TSHZ2: variants seen among roughly 807,000 people sequenced by gnomAD.
TSHZ2 encodes the protein teashirt homolog 2.
A neutral mutation model predicts 74.4 loss-of-function variants in TSHZ2; 21 were observed. The observed-to-expected ratio is 0.28, with a 90% confidence interval of 0.20 to 0.41. TSHZ2 has a LOEUF of 0.41. TSHZ2 is among the 10% of genes least tolerant of loss of function. The pLI is 1.00. For missense variants in TSHZ2, 1,244 were observed against 1,293.5 expected (o/e 0.96, Z 0.59); for synonymous variants, 540 against 515.3 (o/e 1.05, Z -0.65).
intron 2 of TSHZ2, among the ~76,000 whole-genome samples, chr20:53,406,391 G>T (rs1982854162): frequency 2.0e-5 from 3 of 152,296 alleles, no homozygotes; most frequent in African/African-American, 7.2e-5. Context: ...TTTTGAAAAG[G>T]ATATTCTGGG....
chr20:52,995,192 A>G (rs769693445), intron 1 of TSHZ2, among the ~76,000 whole-genome samples: 4 of 152,214 alleles, frequency 2.6e-5, no homozygotes, highest in African/African-American at 9.6e-5. Context: ...ACAGCTACAG[A>G]TACAGAGACC....
chr20:53,302,279 C>T (rs781576797), intron 2 of TSHZ2, among the ~76,000 whole-genome samples: 2 of 152,008 alleles, frequency 1.3e-5, no homozygotes. Flanking sequence ...GTTAGCAAAG[C>T]GTTGAGGAAA....
chr20:53,449,686 C>A (rs1357770299), intron 2 of TSHZ2, among the ~76,000 whole-genome samples: 1 of 152,102 alleles, frequency 6.6e-6, no homozygotes, highest in African/African-American at 2.4e-5. Context: ...ATATTAAAAT[C>A]CTACCCCCTT....
intron 2 of TSHZ2, among the ~76,000 whole-genome samples, chr20:53,382,521 A>G (rs996708595): frequency 2.0e-5 from 3 of 152,244 alleles, no homozygotes; most frequent in African/African-American, 7.2e-5. Context: ...AATGCAACAC[A>G]GAGTGAAAAC....
intron 1 of TSHZ2, among the ~76,000 whole-genome samples, chr20:52,999,089 GTTCTACTCTTCACTGCCACA>G (rs1484494215): frequency 1.4e-5 from 2 of 143,384 alleles, no homozygotes; most frequent in East Asian, 3.9e-4. Context: ...TGAAAACCAC[GTTCTACTCTTCACTGCCACA>G]TTCCACTCTT....
intron 1 of TSHZ2, among the ~76,000 whole-genome samples, chr20:53,118,037 G>C (rs1301839867): frequency 6.6e-6 from 1 of 152,212 alleles, no homozygotes; most frequent in Non-Finnish European, 1.5e-5. Context: ...CAGGAGAATT[G>C]TGGAATTGTA....
intron 2 of TSHZ2, among the ~76,000 whole-genome samples, chr20:53,449,376 T>C (rs1984683119): frequency 6.6e-6 from 1 of 152,212 alleles, no homozygotes; most frequent in Non-Finnish European, 1.5e-5. Context: ...TAATTATATA[T>C]GAAATGGGTG....
At chr20:53,138,673 T>G (rs1249514335) in intron 1 of TSHZ2, among the ~76,000 whole-genome samples, 1 of 152,248 alleles carries the variant, frequency 6.6e-6, no homozygotes, top group East Asian at 1.9e-4. Flanking sequence ...AAACCCAGTT[T>G]ACATGTGCCA....
At chr20:53,023,399 C>A (rs1315630390) in intron 1 of TSHZ2, among the ~76,000 whole-genome samples, 1 of 152,166 alleles carries the variant, frequency 6.6e-6, no homozygotes, top group Non-Finnish European at 1.5e-5. Flanking sequence ...AAGCATTAAA[C>A]CTCAACATTA....
At position 53,221,621 on chromosome 20, in the gene TSHZ2, A is replaced by G. The variant is rs1384704984; in HGVS notation, c.41-31878A>G. 4.6e-5 allele frequency among the ~76,000 whole-genome samples: 7 copies of G among 152,228 alleles called. No homozygotes were observed. The East Asian group carries it at 1.3e-3, about 29-fold the overall frequency. On this transcript the variant is annotated intron_variant, in intron 1 of 2. Transcript: ENST00000371497. ...CTGTGTCTGCCTTCAGACAACACCA[A>G]ACACCTAAATCATCTTGGTAAACAC...
intron 2 of TSHZ2, among the ~76,000 whole-genome samples, chr20:53,466,702 C>A (rs1985574093): frequency 6.6e-6 from 1 of 152,170 alleles, no homozygotes; most frequent in Non-Finnish European, 1.5e-5. Context: ...AGTATAATTG[C>A]TCAACATGAA....
chr20:52,985,109 T>G (rs1382755450), intron 1 of TSHZ2, among the ~76,000 whole-genome samples: 1 of 152,190 alleles, frequency 6.6e-6, no homozygotes, highest in Non-Finnish European at 1.5e-5. Flanking sequence ...AGTCCTGGAA[T>G]GGCTTCTTCA....
intron 2 of TSHZ2, among the ~76,000 whole-genome samples, chr20:53,276,893 G>A (rs1413633632): frequency 6.6e-6 from 1 of 152,216 alleles, no homozygotes; most frequent in Admixed American, 6.5e-5. Context: ...CTTTGAGCCT[G>A]TCTGACACTC....
chr20:53,260,365 C>T (rs1990579029), intron 2 of TSHZ2, among the ~76,000 whole-genome samples: 1 of 152,208 alleles, frequency 6.6e-6, no homozygotes, highest in Admixed American at 6.5e-5. Flanking sequence ...GTCCTACAAT[C>T]TCTGAGCCTC....
intron 1 of TSHZ2, among the ~76,000 whole-genome samples, chr20:53,180,396 G>A (rs191299811): frequency 1.5e-4 from 23 of 152,298 alleles, no homozygotes; most frequent in South Asian, 4.2e-4. Context: ...GGAACAATCC[G>A]AAGTAGAAGA....
intron 1 of TSHZ2, among the ~76,000 whole-genome samples, chr20:53,092,494 C>T (rs901301954): frequency 1.3e-5 from 2 of 152,190 alleles, no homozygotes; most frequent in African/African-American, 2.4e-5. Context: ...ACAAACACGG[C>T]ATTACTTGTG....
intron 1 of TSHZ2, among the ~76,000 whole-genome samples, chr20:53,191,972 T>A (rs1411503393): frequency 2.0e-5 from 3 of 152,208 alleles, no homozygotes; most frequent in Non-Finnish European, 2.9e-5. Context: ...TTGGTTCCAG[T>A]CTAGTTAACT....
chr20:53,126,755 G>T (rs1185700330), intron 1 of TSHZ2, among the ~76,000 whole-genome samples: 2 of 152,168 alleles, frequency 1.3e-5, no homozygotes, highest in African/African-American at 4.8e-5. Flanking sequence ...AAAGCTGAAA[G>T]TCTATAGCGC....
At chr20:53,313,032 A>G (rs756535432) in intron 2 of TSHZ2, among the ~76,000 whole-genome samples, 1 of 152,244 alleles carries the variant, frequency 6.6e-6, no homozygotes, top group Admixed American at 6.5e-5. Flanking sequence ...ATGTCCAAAT[A>G]TTATGCTGTT....
Sources: gnomAD v4.1 joint callset for allele counts (sites outside exome capture counted in the v4.1 genomes callset) on GRCh38, gnomAD v4.1.1 for gene constraint, MANE v1.5 for transcripts, NCBI Gene and HGNC (gene_info 2026-07-23, HGNC 2026-07-21) for gene names.